KCNQ5: variants seen among roughly 807,000 people sequenced by gnomAD.
The protein encoded by KCNQ5 is potassium voltage-gated channel subfamily KQT member 5.
Under a neutral mutation model 98.2 loss-of-function variants are expected in KCNQ5, and 30 were observed. The ratio of observed to expected loss-of-function variants is 0.31; its 90% CI spans 0.23 to 0.41. KCNQ5 has a LOEUF of 0.41. Among genes scored for constraint, KCNQ5 ranks in the 10% least tolerant of loss-of-function variants. The probability of loss-of-function intolerance (pLI) is 1.00; values close to 1 mark genes in which losing one functional copy is unlikely to be tolerated. For missense variants in KCNQ5, 835 were observed against 1,182.5 expected (o/e 0.71, Z 4.31); for synonymous variants, 458 against 449.4 (o/e 1.02, Z -0.24).
intron 1 of KCNQ5, among the ~76,000 whole-genome samples, chr6:72,953,469 T>C (rs1397173468): frequency 6.6e-6 from 1 of 152,228 alleles, no homozygotes; most frequent in Non-Finnish European, 1.5e-5. Flanking sequence ...TGTAAAATGT[T>C]TAATGACTGA....
chr6:72,999,798 A>G (rs926877899), intron 1 of KCNQ5, among the ~76,000 whole-genome samples: 1 of 152,228 alleles, frequency 6.6e-6, no homozygotes, highest in Non-Finnish European at 1.5e-5. Context: ...ATAGCTACAT[A>G]ATCTTGAAAT....
At chr6:72,965,536 C>A (rs1003815952) in intron 1 of KCNQ5, among the ~76,000 whole-genome samples, 1 of 152,102 alleles carries the variant, frequency 6.6e-6, no homozygotes, top group African/African-American at 2.4e-5. Context: ...ATTTTCTCAA[C>A]ATTTCATCGT....
intron 1 of KCNQ5, among the ~76,000 whole-genome samples, chr6:72,890,980 G>A (rs1186668688): frequency 6.6e-6 from 1 of 152,176 alleles, no homozygotes; most frequent in Admixed American, 6.5e-5. Flanking sequence ...TTGGGAAATG[G>A]GAAAGGTGCT....
At chr6:72,684,554 C>T (rs1266436994) in intron 1 of KCNQ5, among the ~76,000 whole-genome samples, 2 of 152,164 alleles carry the variant, frequency 1.3e-5, no homozygotes, top group South Asian at 2.1e-4. Flanking sequence ...ACATTGTATA[C>T]ATGTATCAAA....
At chr6:72,867,479 A>G (rs1295087722) in intron 1 of KCNQ5, among the ~76,000 whole-genome samples, 4 of 152,238 alleles carry the variant, frequency 2.6e-5, no homozygotes, top group Admixed American at 2.6e-4. Flanking sequence ...TGTTTAGGGC[A>G]TACTTGAAGA....
chr6:72,903,190 A>G (rs900513181), intron 1 of KCNQ5, among the ~76,000 whole-genome samples: 3 of 151,878 alleles, frequency 2.0e-5, no homozygotes, highest in African/African-American at 7.3e-5. Context: ...CTCCCATTTC[A>G]TTTCTTATTG....
rs1772895282 is a variant in KCNQ5 at position 73,063,667 on chromosome 6, TGATAGATAGATAGATAGATGATA to T, written c.617-13635_617-13613del. On this transcript the variant is annotated intron_variant, in intron 3 of 13. Transcript: ENST00000370398. ...TACAGATAGATGATAGATAGATAGA[TGATAGATAGATAGATAGATGATA>T]GATAGATAGATAGATAGATAGATAG... Among the ~76,000 whole-genome samples the T allele has an allele frequency of 1.9e-4, 12 of 64,474 alleles. No homozygotes were observed. The South Asian group carries it at 2.1e-3, about 11-fold the overall frequency. The allele number at this position is 64,474 out of a possible 152,430, so 42.3% of individuals were successfully genotyped here.
At chr6:72,951,638 G>C (rs143907422) in intron 1 of KCNQ5, among the ~76,000 whole-genome samples, 1 of 152,006 alleles carries the variant, frequency 6.6e-6, no homozygotes, top group East Asian at 1.9e-4. Context: ...CCTAAGATAC[G>C]TAACCTTTCA....
intron 2 of KCNQ5, among the ~76,000 whole-genome samples, chr6:73,034,998 A>G: frequency 6.8e-6 from 1 of 147,872 alleles, no homozygotes; most frequent in East Asian, 2.0e-4. Context: ...GGCGCCCGCC[A>G]CCACACCCAG....
At chr6:72,667,974 G>A (rs1766910725) in intron 1 of KCNQ5, among the ~76,000 whole-genome samples, 1 of 152,154 alleles carries the variant, frequency 6.6e-6, no homozygotes, top group Admixed American at 6.5e-5. Flanking sequence ...CAATTACAAT[G>A]TGGGATCTTG....
chr6:73,098,424 C>G (rs1425712487), intron 5 of KCNQ5, among the ~76,000 whole-genome samples: 1 of 152,060 alleles, frequency 6.6e-6, no homozygotes, highest in Admixed American at 6.6e-5. Context: ...GGCTATAGAA[C>G]ACCAAACAGA....
chr6:73,083,601 T>C (rs1412257199), intron 5 of KCNQ5, among the ~76,000 whole-genome samples: 1 of 152,228 alleles, frequency 6.6e-6, no homozygotes. Context: ...TCATCAAGAA[T>C]ATTACATTTA....
intron 1 of KCNQ5, among the ~76,000 whole-genome samples, chr6:72,974,544 C>T (rs1463626135): frequency 6.6e-6 from 1 of 152,120 alleles, no homozygotes; most frequent in South Asian, 2.1e-4. Flanking sequence ...ACAGCATAGC[C>T]CTCCTCCCAC....
At chr6:73,085,840 G>A (rs946097782) in intron 5 of KCNQ5, among the ~76,000 whole-genome samples, 2 of 152,104 alleles carry the variant, frequency 1.3e-5, no homozygotes, top group Non-Finnish European at 2.9e-5. Context: ...GCACTGGGCC[G>A]AGCAAATGTA....
chr6:72,970,589 T>G (rs1935512), intron 1 of KCNQ5, among the ~76,000 whole-genome samples: 99,451 of 151,964 alleles, frequency 0.65, 36,117 homozygotes, highest in Non-Finnish European at 0.81. Context: ...GCTACCTAAC[T>G]TCAAACTATA....
At chr6:72,847,412 T>TG (rs1420838697) in intron 1 of KCNQ5, among the ~76,000 whole-genome samples, 15 of 152,182 alleles carry the variant, frequency 9.9e-5, no homozygotes, top group Non-Finnish European at 2.2e-4. Context: ...CTGTCCACCT[T>TG]GGTCTCCCAA....
intron 11 of KCNQ5, among the ~76,000 whole-genome samples, chr6:73,175,399 C>CA (rs1415696691): frequency 3.3e-5 from 5 of 152,092 alleles, no homozygotes; most frequent in Admixed American, 1.3e-4. Flanking sequence ...ATCTGCCCCC[C>CA]CCTTGGCTTC....
intron 1 of KCNQ5, among the ~76,000 whole-genome samples, chr6:72,712,122 A>G (rs1769401389): frequency 6.6e-6 from 1 of 152,220 alleles, no homozygotes; most frequent in African/African-American, 2.4e-5. Flanking sequence ...GGTACTGAAT[A>G]CATGTTTGTT....
chr6:72,649,184 G>A (rs1765753121), intron 1 of KCNQ5, among the ~76,000 whole-genome samples: 1 of 152,090 alleles, frequency 6.6e-6, no homozygotes, highest in Admixed American at 6.6e-5. Context: ...AAATATGTCA[G>A]GAGTCCCTGG....
Sources: gnomAD v4.1 joint callset for allele counts (sites outside exome capture counted in the v4.1 genomes callset) on GRCh38, gnomAD v4.1.1 for gene constraint, MANE v1.5 for transcripts, NCBI Gene and HGNC (gene_info 2026-07-23, HGNC 2026-07-21) for gene names.